The following MACROD2 variants were observed in gnomAD, a reference collection of about 807,000 sequenced individuals.
MACROD2 encodes the protein mono-ADP ribosylhydrolase 2, also known as ADP-ribose glycohydrolase MACROD2.
In MACROD2, 36 loss-of-function variants were observed where a neutral mutation model predicts 70.4. The ratio of observed to expected loss-of-function variants is 0.51; its 90% CI spans 0.39 to 0.68. MACROD2 has a LOEUF of 0.68. Among genes scored for constraint, MACROD2 ranks in the 30% least tolerant of loss-of-function variants. The pLI is 0.00. For synonymous variants in MACROD2, 172 were observed against 178.8 expected (o/e 0.96, Z 0.30); for missense variants, 496 against 538.4 (o/e 0.92, Z 0.78).
intron 8 of MACROD2, among the ~76,000 whole-genome samples, chr20:15,856,615 C>T (rs1246659821): frequency 6.6e-6 from 1 of 152,150 alleles, no homozygotes; most frequent in Non-Finnish European, 1.5e-5. Flanking sequence ...TTACAGAGCT[C>T]CTATTATGTG....
chr20:15,816,563 A>G (rs1316617208), intron 8 of MACROD2, among the ~76,000 whole-genome samples: 1 of 152,212 alleles, frequency 6.6e-6, no homozygotes, highest in Non-Finnish European at 1.5e-5. Context: ...CAAGTAGATT[A>G]ATCATTCATA....
Position 15,706,234 on chromosome 20 carries a change from A to C in MACROD2, c.646-156511A>C, listed in dbSNP as rs538213559. 3.3e-5 allele frequency among the ~76,000 whole-genome samples: 5 copies of C among 152,348 alleles called. No individual in the cohort carries two copies. In the East Asian group the frequency reaches 9.6e-4, roughly 29 times the overall value. Reference sequence around the variant, plus strand: ...TAGAACCCACATACAGTCAGAATATATGACCTCTCCTTTAAGCTCTGCCTC... The same window carrying C: ...TAGAACCCACATACAGTCAGAATATCTGACCTCTCCTTTAAGCTCTGCCTC... On this transcript the variant is annotated intron_variant, in intron 8 of 17. Coordinates refer to ENST00000684519, the MANE Select transcript of MACROD2 (RefSeq NM_001351661.2).
chr20:14,138,441 A>C (rs2054828099), intron 3 of MACROD2, among the ~76,000 whole-genome samples: 1 of 152,132 alleles, frequency 6.6e-6, no homozygotes, highest in African/African-American at 2.4e-5. Flanking sequence ...AAAAAAAGGA[A>C]ATTTCTGTTA....
intron 5 of MACROD2, among the ~76,000 whole-genome samples, chr20:15,047,569 T>A (rs1379499876): frequency 6.6e-6 from 1 of 152,174 alleles, no homozygotes; most frequent in East Asian, 1.9e-4. Context: ...TTTTAATAAT[T>A]TATTATAAGA....
intron 8 of MACROD2, among the ~76,000 whole-genome samples, chr20:15,728,069 T>A (rs935339635): frequency 3.9e-5 from 6 of 152,164 alleles, no homozygotes; most frequent in Non-Finnish European, 7.4e-5. Context: ...TTTTGAGGTA[T>A]GTTCCTTCAA....
chr20:14,955,700 TCCC>T (rs774454450), intron 5 of MACROD2, among the ~76,000 whole-genome samples: 3 of 152,012 alleles, frequency 2.0e-5, no homozygotes, highest in Non-Finnish European at 2.9e-5. Flanking sequence ...CGACCAGCGC[TCCC>T]CCACCCCCAG....
chr20:15,158,836 T>C (rs1016919612), intron 5 of MACROD2, among the ~76,000 whole-genome samples: 1 of 152,152 alleles, frequency 6.6e-6, no homozygotes. Context: ...ATAAAGTAAT[T>C]CAAGAGCTTT....
chr20:15,371,552 G>C (rs967181950), intron 6 of MACROD2, among the ~76,000 whole-genome samples: 1 of 152,132 alleles, frequency 6.6e-6, no homozygotes, highest in African/African-American at 2.4e-5. Flanking sequence ...TGACCCTCGG[G>C]GGTGAGGTTT....
intron 3 of MACROD2, among the ~76,000 whole-genome samples, chr20:14,200,714 T>G (rs895710375): frequency 6.6e-6 from 1 of 152,268 alleles, no homozygotes; most frequent in African/African-American, 2.4e-5. Flanking sequence ...GTGCACAGTT[T>G]GGTAAATCAT....
intron 5 of MACROD2, among the ~76,000 whole-genome samples, chr20:14,926,271 C>T (rs1401136985): frequency 6.6e-6 from 1 of 151,946 alleles, no homozygotes; most frequent in African/African-American, 2.4e-5. Context: ...GAGCACTGGC[C>T]AGGTGCGGTG....
At chr20:14,090,845 C>T (rs2054138983) in intron 3 of MACROD2, among the ~76,000 whole-genome samples, 1 of 152,210 alleles carries the variant, frequency 6.6e-6, no homozygotes, top group African/African-American at 2.4e-5. Context: ...GTGTTTTCCT[C>T]TGTTAACTTA....
chr20:15,736,280 T>G (rs1245710952), intron 8 of MACROD2, among the ~76,000 whole-genome samples: 1 of 152,232 alleles, frequency 6.6e-6, no homozygotes, highest in East Asian at 1.9e-4. Flanking sequence ...CTAGAGCAAG[T>G]GCCACACATA....
intron 5 of MACROD2, among the ~76,000 whole-genome samples, chr20:15,175,765 G>A (rs868094122): frequency 2.6e-5 from 4 of 152,236 alleles, no homozygotes; most frequent in Non-Finnish European, 4.4e-5. Flanking sequence ...AGGAGCCACT[G>A]CAAAGACACT....
At chr20:15,616,163 G>A (rs911148529) in intron 8 of MACROD2, among the ~76,000 whole-genome samples, 1 of 149,480 alleles carries the variant, frequency 6.7e-6, no homozygotes, top group Non-Finnish European at 1.5e-5. Flanking sequence ...GAGTGCAGTG[G>A]TGTGATCTCG....
At chr20:15,300,401 T>G (rs1484227162) in intron 6 of MACROD2, among the ~76,000 whole-genome samples, 1 of 152,006 alleles carries the variant, frequency 6.6e-6, no homozygotes, top group Non-Finnish European at 1.5e-5. Context: ...GGTTTGGGGA[T>G]TTTTAAAAGA....
chr20:14,500,613 G>A (rs1279123208), intron 4 of MACROD2, among the ~76,000 whole-genome samples: 1 of 152,184 alleles, frequency 6.6e-6, no homozygotes, highest in Non-Finnish European at 1.5e-5. Context: ...CATCTGCCTT[G>A]AACTCTTCTA....
chr20:15,400,886 A>G (rs1367490323), intron 6 of MACROD2, among the ~76,000 whole-genome samples: 2 of 152,162 alleles, frequency 1.3e-5, no homozygotes, highest in African/African-American at 2.4e-5. Context: ...CAGGCCTCTC[A>G]TTTGTGCCCC....
At chr20:14,654,013 A>G (rs73612372) in intron 4 of MACROD2, among the ~76,000 whole-genome samples, 15,110 of 152,114 alleles carry the variant, frequency 0.099, 1,215 homozygotes, top group South Asian at 0.28. Context: ...CTCTTTTCAA[A>G]TAAATTACTT....
At chr20:15,242,832 T>C (rs1423027982) in intron 6 of MACROD2, among the ~76,000 whole-genome samples, 1 of 152,198 alleles carries the variant, frequency 6.6e-6, no homozygotes, top group Non-Finnish European at 1.5e-5. Context: ...GTTGTCTTTC[T>C]CAGGAACCAC....
Sources: gnomAD v4.1 joint callset for allele counts (sites outside exome capture counted in the v4.1 genomes callset) on GRCh38, gnomAD v4.1.1 for gene constraint, MANE v1.5 for transcripts, NCBI Gene and HGNC (gene_info 2026-07-23, HGNC 2026-07-21) for gene names.